KCNMA1: variants seen among roughly 807,000 people sequenced by gnomAD.
KCNMA1 encodes Calcium-activated potassium channel subunit alpha-1.
A neutral mutation model predicts 140.0 loss-of-function variants in KCNMA1; 29 were observed. The ratio of observed to expected loss-of-function variants is 0.21; its 90% CI spans 0.15 to 0.28. KCNMA1 has a LOEUF of 0.28. KCNMA1 is among the 10% of genes least tolerant of loss of function. KCNMA1 has a pLI of 1.00. For synonymous variants in KCNMA1, 612 were observed against 611.9 expected, an observed-to-expected ratio of 1.00 and a Z score of 0.00; for missense variants, 880 against 1,602.2, an observed-to-expected ratio of 0.55 and a Z score of 7.70.
At chr10:77,343,691 A>G (rs2091520995) in intron 2 of KCNMA1, among the ~76,000 whole-genome samples, 1 of 152,256 alleles carries the variant, frequency 6.6e-6, no homozygotes, top group Admixed American at 6.5e-5. Context: ...AGAATGCCAA[A>G]TACAATCAAG....
chr10:76,984,460 G>T (rs994282087), intron 19 of KCNMA1, among the ~76,000 whole-genome samples: 1 of 152,000 alleles, frequency 6.6e-6, no homozygotes, highest in Admixed American at 6.6e-5. Context: ...AAAGTTCTGG[G>T]GTTACAGACG....
chr10:77,200,430 T>C (rs1022912217), intron 3 of KCNMA1, among the ~76,000 whole-genome samples: 3 of 152,218 alleles, frequency 2.0e-5, no homozygotes, highest in Non-Finnish European at 4.4e-5. Context: ...GCATCATTGT[T>C]GCCATATAAT....
At chr10:77,377,128 G>A (rs117565707) in intron 2 of KCNMA1, among the ~76,000 whole-genome samples, 10 of 152,174 alleles carry the variant, frequency 6.6e-5, no homozygotes, top group African/African-American at 1.7e-4. Context: ...CAGCCTGGAC[G>A]TGGGAAAGAA....
chr10:76,892,178 C>T (rs181302318), intron 25 of KCNMA1, among the ~76,000 whole-genome samples: 1 of 152,278 alleles, frequency 6.6e-6, no homozygotes, highest in Non-Finnish European at 1.5e-5. Context: ...ACGGCAAAAC[C>T]TTTCATTAAT....
intron 1 of KCNMA1, among the ~76,000 whole-genome samples, chr10:77,451,513 G>T (rs955127536): frequency 6.6e-6 from 1 of 152,166 alleles, no homozygotes; most frequent in East Asian, 1.9e-4. Flanking sequence ...AGCAGAGCCC[G>T]AACTACAGAG....
At chr10:77,238,553 T>C (rs2056338805) in intron 3 of KCNMA1, among the ~76,000 whole-genome samples, 1 of 152,184 alleles carries the variant, frequency 6.6e-6, no homozygotes, top group South Asian at 2.1e-4. Context: ...AGAGTTTCCT[T>C]AGCATCACCT....
chr10:77,591,376 T>C (rs559104545), intron 1 of KCNMA1, among the ~76,000 whole-genome samples: 124 of 152,260 alleles, frequency 8.1e-4, no homozygotes, highest in African/African-American at 2.7e-3. Context: ...GACCACCTCC[T>C]CCAGGAAGCC....
intron 1 of KCNMA1, among the ~76,000 whole-genome samples, chr10:77,508,241 T>A (rs941384648): frequency 6.6e-6 from 1 of 152,064 alleles, no homozygotes; most frequent in Non-Finnish European, 1.5e-5. Context: ...AGTGGCACGA[T>A]CTCAGCTCAC....
intron 2 of KCNMA1, among the ~76,000 whole-genome samples, chr10:77,365,348 A>G (rs932366061): frequency 6.6e-6 from 1 of 152,182 alleles, no homozygotes; most frequent in African/African-American, 2.4e-5. Context: ...CAACCTAGAT[A>G]CTTTGTCTGG....
chr10:77,140,095 A>C (rs538038316), intron 5 of KCNMA1, among the ~76,000 whole-genome samples: 1 of 152,306 alleles, frequency 6.6e-6, no homozygotes. Flanking sequence ...CTAAAAAGGA[A>C]GGACGAGATT....
At position 77,079,515 on chromosome 10, in the gene KCNMA1, C is replaced by T. The variant is rs1338951754; in HGVS notation, c.1559G>A (p.Arg520Lys). The T allele has an allele frequency of 6.2e-7, 1 of 1,612,746 alleles. No homozygotes were observed. ...ISIKNYHPKIRIITQMLQYHN... is the reference protein window; with the variant it reads ...ISIKNYHPKIKIITQMLQYHN... Reference sequence around the variant, plus strand: ...ATACTGCAGCATTTGAGTGATGATTCTTATCTTCGGATGGTAGTTCTTTAT... The same window carrying T: ...ATACTGCAGCATTTGAGTGATGATTTTTATCTTCGGATGGTAGTTCTTTAT... The change falls in exon 13 of 28, where the codon AGA becomes AAA. Residue 520 changes from arginine to lysine, a missense_variant. Coordinates refer to ENST00000286628, the MANE Select transcript of KCNMA1 (RefSeq NM_001161352.2).
chr10:77,382,986 GTGTGTGTGTA>G (rs1409389281), intron 2 of KCNMA1, among the ~76,000 whole-genome samples: 23 of 58,192 alleles, frequency 4.0e-4, no homozygotes, highest in African/African-American at 7.0e-4. Context: ...GTGTGTGTGT[GTGTGTGTGTA>G]TATATATATA....
At chr10:77,461,073 T>G (rs781613883) in intron 1 of KCNMA1, among the ~76,000 whole-genome samples, 13 of 151,662 alleles carry the variant, frequency 8.6e-5, no homozygotes, top group Non-Finnish European at 1.9e-4. Flanking sequence ...ACCATTGCAC[T>G]CCAGCCTGGG....
intron 1 of KCNMA1, among the ~76,000 whole-genome samples, chr10:77,460,012 C>T (rs1270845619): frequency 6.6e-6 from 1 of 152,226 alleles, no homozygotes; most frequent in Non-Finnish European, 1.5e-5. Context: ...CATTGCAGGT[C>T]ACACAGACTC....
chr10:77,184,733 G>C, intron 4 of KCNMA1, 90 bp downstream of exon 4: 1 of 855,658 alleles, frequency 1.2e-6, no homozygotes, highest in South Asian at 1.3e-5. Context: ...GAAATATCTT[G>C]ACTGCGAGAG....
chr10:77,343,730 G>A (rs568237815), intron 2 of KCNMA1, among the ~76,000 whole-genome samples: 8 of 152,290 alleles, frequency 5.3e-5, no homozygotes, highest in Admixed American at 3.3e-4. Flanking sequence ...CATAGTGTCC[G>A]TGGCAGGAAA....
chr10:76,894,736 T>C (rs1160031604), intron 25 of KCNMA1, among the ~76,000 whole-genome samples: 1 of 152,106 alleles, frequency 6.6e-6, no homozygotes, highest in Non-Finnish European at 1.5e-5. Flanking sequence ...ACAGCTCTAG[T>C]CATCAGAGAA....
At chr10:77,586,880 T>G (rs1017453661) in intron 1 of KCNMA1, among the ~76,000 whole-genome samples, 3 of 152,238 alleles carry the variant, frequency 2.0e-5, no homozygotes, top group Non-Finnish European at 4.4e-5. Context: ...TCTGTTTTTA[T>G]TGCTGGACTC....
At chr10:77,404,997 T>A (rs933515908) in intron 1 of KCNMA1, among the ~76,000 whole-genome samples, 1 of 152,260 alleles carries the variant, frequency 6.6e-6, no homozygotes, top group Non-Finnish European at 1.5e-5. Context: ...GCCTGAAATC[T>A]ACACCAGACC....
Sources: gnomAD v4.1 joint callset for allele counts (sites outside exome capture counted in the v4.1 genomes callset) on GRCh38, gnomAD v4.1.1 for gene constraint, MANE v1.5 for transcripts, NCBI Gene and HGNC (gene_info 2026-07-23, HGNC 2026-07-21) for gene names.